RBBP8: variants seen among roughly 807,000 people sequenced by gnomAD.
The protein encoded by RBBP8 is DNA endonuclease RBBP8.
A neutral mutation model predicts 108.3 loss-of-function variants in RBBP8; 88 were observed. That is an observed-to-expected ratio of 0.81 (90% CI 0.68 to 0.97). The LOEUF is 0.97. Ranked by LOEUF, RBBP8 falls within the 50% of genes least tolerant of loss-of-function variation. The probability of loss-of-function intolerance (pLI) is 0.00; values close to 1 mark genes in which losing one functional copy is unlikely to be tolerated. For missense variants in RBBP8, 1,023 were observed against 1,049.0 expected, an observed-to-expected ratio of 0.98 and a Z score of 0.34; for synonymous variants, 332 against 348.2, an observed-to-expected ratio of 0.95 and a Z score of 0.52.
At chr18:23,022,001 G>A in intron 17 of RBBP8, 128 bp from the exon 18 acceptor site, 1 of 752,966 alleles carries the variant, frequency 1.3e-6, no homozygotes, top group South Asian at 1.5e-5. Flanking sequence ...TCATCAATGA[G>A]GATTAAGTTT....
intron 9 of RBBP8, among the ~76,000 whole-genome samples, chr18:22,990,397 A>C (rs1033873178): frequency 6.6e-6 from 1 of 152,228 alleles, no homozygotes; most frequent in Non-Finnish European, 1.5e-5. Flanking sequence ...ATGAATAGTT[A>C]TCTCTATTCC....
At chr18:22,958,609 G>C (rs118072282) in intron 4 of RBBP8, among the ~76,000 whole-genome samples, 1 of 152,012 alleles carries the variant, frequency 6.6e-6, no homozygotes, top group African/African-American at 2.4e-5. Context: ...GCAGTGGCGC[G>C]ACCTTGGCTC....
chr18:22,936,864 G>A lies in RBBP8; in HGVS notation c.13G>A (p.Gly5Arg). The change falls in exon 2 of 19, where the codon GGA (glycine) becomes AGA (arginine). Residue 5 changes from glycine (G) to arginine (R), a missense_variant. By Grantham distance (125) the Gly-to-Arg change is moderately radical. Coordinates refer to ENST00000327155, the MANE Select transcript of RBBP8 (RefSeq NM_002894.3). ...CATATTAAGCAAGATGAACATCTCG[G>A]GAAGCAGCTGTGGAAGCCCTAACTC... MNIS[G>R]SSCGSPNSAD... The A allele has an allele frequency of 6.2e-7, 1 of 1,614,090 alleles. No homozygotes were observed. Among genetic ancestry groups the A allele is most frequent in the Non-Finnish European group, 8.5e-7 (1 of 1,179,990 alleles).
intron 17 of RBBP8, among the ~76,000 whole-genome samples, chr18:23,018,009 G>C (rs957372990): frequency 1.3e-5 from 2 of 151,938 alleles, no homozygotes; most frequent in African/African-American, 4.8e-5. Flanking sequence ...GCCTCCCAAA[G>C]TTCTGGGATT....
At chr18:22,945,687 T>G (rs1598645634) in intron 2 of RBBP8, among the ~76,000 whole-genome samples, 1 of 152,194 alleles carries the variant, frequency 6.6e-6, no homozygotes, top group African/African-American at 2.4e-5. Context: ...CCCAGCCGAT[T>G]AAATAACATT....
chr18:23,018,636 A>G (rs62095239), intron 17 of RBBP8, among the ~76,000 whole-genome samples: 1 of 151,658 alleles, frequency 6.6e-6, no homozygotes. Flanking sequence ...ATGCTTTGTA[A>G]ATAGTTGTTA....
At chr18:22,923,137 C>CATAT (rs138283711) in intron 3 of RBBP8, among the ~76,000 whole-genome samples, 1 of 151,326 alleles carries the variant, frequency 6.6e-6, no homozygotes, top group Non-Finnish European at 1.5e-5. Context: ...CAGTTTCTTA[C>CATAT]ATATATATAT....
intron 2 of RBBP8, among the ~76,000 whole-genome samples, chr18:22,944,993 T>C (rs191499839): frequency 2.6e-4 from 40 of 152,312 alleles, no homozygotes; most frequent in African/African-American, 9.4e-4. Flanking sequence ...ATGATAAATA[T>C]ATTAATGTTT....
chr18:22,940,518 C>T (rs2144421669), intron 2 of RBBP8, among the ~76,000 whole-genome samples: 1 of 152,044 alleles, frequency 6.6e-6, no homozygotes, highest in South Asian at 2.1e-4. Context: ...GACGGGGTTT[C>T]ACTGTGTTAG....
chr18:22,991,152 GTTA>G, intron 10 of RBBP8, 103 bp downstream of exon 10: 1 of 840,660 alleles, frequency 1.2e-6, no homozygotes, highest in Non-Finnish European at 1.9e-6. Flanking sequence ...CATATAGTTT[GTTA>G]TTGTGGTTAT....
At chr18:22,978,856 GA>G (rs1252157928) in intron 6 of RBBP8, among the ~76,000 whole-genome samples, 2 of 152,148 alleles carry the variant, frequency 1.3e-5, no homozygotes, top group Non-Finnish European at 2.9e-5. Context: ...ACAAAAAAAA[GA>G]TAAGTGTGTG....
chr18:23,005,443 T>C (rs1298797756), intron 15 of RBBP8, among the ~76,000 whole-genome samples: 1 of 152,120 alleles, frequency 6.6e-6, no homozygotes, highest in Non-Finnish European at 1.5e-5. Flanking sequence ...AGACGGAGTC[T>C]TGCTCTGTTG....
intron 7 of RBBP8, among the ~76,000 whole-genome samples, 177 bp downstream of exon 7, chr18:22,982,570 T>A (rs1272810276): frequency 6.6e-6 from 1 of 152,220 alleles, no homozygotes; most frequent in African/African-American, 2.4e-5. Flanking sequence ...CTGCCCGTGT[T>A]ATGTATAGAT....
At chr18:22,945,677 C>A (rs1911502048) in intron 2 of RBBP8, among the ~76,000 whole-genome samples, 1 of 152,122 alleles carries the variant, frequency 6.6e-6, no homozygotes, top group Non-Finnish European at 1.5e-5. Flanking sequence ...AATCACCGTG[C>A]CCAGCCGATT....
chr18:22,951,835 T>C lies in RBBP8; in HGVS notation c.248+2122T>C, dbSNP rs1013037070. Among the ~76,000 whole-genome samples the C allele has an allele frequency of 4.3e-4, 66 of 152,164 alleles. 1 individual carries two copies. The highest frequency in any genetic ancestry group is 5.3e-4 in the Non-Finnish European group (36 of 68,030). On this transcript the variant is annotated intron_variant, in intron 4 of 18. Transcript: ENST00000327155. ...TATCAGTTTATTACAAAAAATTTGT[T>C]AAAGGTTACAAGTCAACAGCCAAAT...
rs747849677 is a variant in RBBP8, at chr18:22,993,860, T to C, written c.1939+13T>C. ...CAAAACAACCAAGGTGTGTACACCATAAACAGGATCTCCACTTTTTTAATG... is the reference window on the plus strand; with the variant it reads ...CAAAACAACCAAGGTGTGTACACCACAAACAGGATCTCCACTTTTTTAATG... On this transcript the variant is annotated intron_variant, in intron 12 of 18. Transcript: ENST00000327155. The C allele has an allele frequency of 6.2e-7, 1 of 1,609,714 alleles. No homozygotes were observed. Among genetic ancestry groups the C allele is most frequent in the South Asian group, 1.1e-5 (1 of 90,860 alleles).
chr18:22,961,631 T>C (rs1174691251), intron 4 of RBBP8, among the ~76,000 whole-genome samples: 1 of 152,202 alleles, frequency 6.6e-6, no homozygotes, highest in African/African-American at 2.4e-5. Context: ...CAACACAAAT[T>C]TGTAAACTTT....
intron 4 of RBBP8, among the ~76,000 whole-genome samples, chr18:22,950,607 A>C (rs1030142349): frequency 1.3e-5 from 2 of 150,784 alleles, no homozygotes; most frequent in Non-Finnish European, 2.9e-5. Flanking sequence ...ACGATATCCC[A>C]TACTTTCTTT....
At chr18:23,010,686 C>T (rs2046142637) in intron 16 of RBBP8, among the ~76,000 whole-genome samples, 1 of 151,880 alleles carries the variant, frequency 6.6e-6, no homozygotes, top group African/African-American at 2.4e-5. Flanking sequence ...TTTATTTATT[C>T]TGAAGCAATT....
Sources: allele counts gnomAD v4.1 joint callset (sites outside exome capture counted in the v4.1 genomes callset), GRCh38; gene constraint gnomAD v4.1.1; transcripts MANE v1.5; gene names NCBI Gene and HGNC (gene_info 2026-07-23, HGNC 2026-07-21).